STPG2: variants seen among roughly 807,000 people sequenced by gnomAD.
STPG2 encodes sperm tail PG-rich repeat containing 2.
Under a neutral mutation model 54.2 loss-of-function variants are expected in STPG2, and 56 were observed. The observed-to-expected ratio is 1.03, with a 90% CI of 0.83 to 1.29. The LOEUF (loss-of-function observed/expected upper bound fraction) is 1.29, where lower values mean the gene tolerates loss of function less well. STPG2 is among the 50% of genes most tolerant of loss of function. The pLI, the probability that STPG2 is intolerant of heterozygous loss-of-function variation, is 0.00. For synonymous variants in STPG2, 200 were observed against 181.8 expected (o/e 1.10, Z -0.81); for missense variants, 596 against 544.9 (o/e 1.09, Z -0.93).
chr4:97,618,119 G>C lies in STPG2; in HGVS notation c.1321-59002C>G, dbSNP rs570591816. 1.1e-3 allele frequency among the ~76,000 whole-genome samples: 162 copies of C among 152,160 alleles called. 1 individual carries two copies. The highest frequency in any genetic ancestry group is 3.9e-3 in the African/African-American group (160 of 41,518). ...TTAACTTCCCTGCCATTGAATCTAG[G>C]GTGGCTTTCTTGGCCTGTCTTACTG... is the stretch of plus-strand genomic sequence containing the variant. On this transcript the variant is annotated intron_variant, in intron 10 of 10. Coordinates refer to ENST00000295268, the MANE Select transcript of STPG2 (RefSeq NM_174952.3).
At chr4:97,997,291 T>G (rs1735271731) in intron 5 of STPG2, among the ~76,000 whole-genome samples, 1 of 152,210 alleles carries the variant, frequency 6.6e-6, no homozygotes, top group South Asian at 2.1e-4. Context: ...TGGCTCACAG[T>G]TCTGCAGGCT....
At chr4:97,808,173 T>A (rs910316153) in intron 9 of STPG2, among the ~76,000 whole-genome samples, 1 of 151,906 alleles carries the variant, frequency 6.6e-6, no homozygotes, top group Admixed American at 6.6e-5. Context: ...AGGTAGTATC[T>A]TAGATGAAAA....
intron 10 of STPG2, among the ~76,000 whole-genome samples, chr4:97,591,933 T>C (rs1733156085): frequency 6.6e-6 from 1 of 152,170 alleles, no homozygotes; most frequent in Non-Finnish European, 1.5e-5. Flanking sequence ...TAGTATATCT[T>C]TGAAAAATTT....
chr4:97,806,447 C>T (rs1380189582), intron 9 of STPG2, among the ~76,000 whole-genome samples: 2 of 151,952 alleles, frequency 1.3e-5, no homozygotes, highest in South Asian at 2.1e-4. Flanking sequence ...TCATTCATAC[C>T]CCAAACCTCA....
At chr4:97,581,392 A>G (rs887385288) in intron 10 of STPG2, among the ~76,000 whole-genome samples, 4 of 152,144 alleles carry the variant, frequency 2.6e-5, no homozygotes, top group Admixed American at 1.3e-4. Flanking sequence ...AGGAAAATTT[A>G]TAACACTTAC....
At chr4:98,133,418 G>A (rs1313560534) in intron 2 of STPG2, among the ~76,000 whole-genome samples, 1 of 151,862 alleles carries the variant, frequency 6.6e-6, no homozygotes, top group African/African-American at 2.4e-5. Flanking sequence ...ATCTCTAGCG[G>A]GTACCTTATT....
intron 9 of STPG2, among the ~76,000 whole-genome samples, chr4:97,794,729 C>A (rs145733689): frequency 6.6e-6 from 1 of 152,040 alleles, no homozygotes; most frequent in Non-Finnish European, 1.5e-5. Flanking sequence ...AAAAGAAGTT[C>A]TTTCTGTGTT....
At chr4:97,824,588 G>A (rs114543166) in intron 9 of STPG2, among the ~76,000 whole-genome samples, 4,313 of 152,218 alleles carry the variant, frequency 0.028, 190 homozygotes, top group African/African-American at 0.097. Context: ...CAGCAAACTG[G>A]TCAGTTATGT....
chr4:97,680,237 T>C (rs1435520666), intron 10 of STPG2, among the ~76,000 whole-genome samples: 3 of 151,890 alleles, frequency 2.0e-5, no homozygotes. Context: ...ATTTTTACGA[T>C]ATTGATTCTT....
chr4:97,664,043 G>A lies in STPG2; in HGVS notation c.1320+48656C>T, dbSNP rs533730509. Among the ~76,000 whole-genome samples the A allele has an allele frequency of 2.0e-5, 3 of 152,154 alleles. No homozygotes were observed. In the South Asian group the frequency reaches 6.2e-4, roughly 32 times the overall value. Reference sequence around the variant, plus strand: ...GTGACAGTAGGTATATATACATATGGCATAGATATTCATATGGTAAAATAG... The same window carrying A: ...GTGACAGTAGGTATATATACATATGACATAGATATTCATATGGTAAAATAG... On this transcript the variant is annotated intron_variant, in intron 10 of 10. Transcript: ENST00000295268.
chr4:97,684,599 A>G (rs2148982382), intron 10 of STPG2, among the ~76,000 whole-genome samples: 1 of 152,132 alleles, frequency 6.6e-6, no homozygotes, highest in Admixed American at 6.5e-5. Flanking sequence ...GTAACTCAAA[A>G]TGGATCGTAG....
intron 9 of STPG2, among the ~76,000 whole-genome samples, chr4:97,795,899 G>A (rs1560531370): frequency 2.0e-5 from 3 of 152,122 alleles, no homozygotes; most frequent in African/African-American, 4.8e-5. Flanking sequence ...ATTCTAACTG[G>A]TGTGAGATGA....
intron 9 of STPG2, among the ~76,000 whole-genome samples, chr4:97,756,075 T>C (rs1578537493): frequency 6.6e-6 from 1 of 152,120 alleles, no homozygotes; most frequent in Middle Eastern, 3.4e-3. Flanking sequence ...TCTCTCTCTC[T>C]TTCTCTCTCT....
chr4:97,660,157 T>C lies in STPG2; in HGVS notation c.1320+52542A>G, dbSNP rs549125296. Reference sequence around the variant, plus strand: ...AGCTGGGACTACAGGCGCCCACCACTAAGCCCAGCTAATTTTTTGTATTTT... The same window carrying C: ...AGCTGGGACTACAGGCGCCCACCACCAAGCCCAGCTAATTTTTTGTATTTT... On this transcript the variant is annotated intron_variant, in intron 10 of 10. Transcript: ENST00000295268. Among the ~76,000 whole-genome samples the C allele has an allele frequency of 2.0e-3, 299 of 152,160 alleles. 6 individuals carry two copies. The East Asian group carries it at 0.026, about 13-fold the overall frequency.
In STPG2 at chr4:97,585,442, C is replaced by T. The variant is rs552959978; in HGVS notation, c.1321-26325G>A. On this transcript the variant is annotated intron_variant, in intron 10 of 10. Coordinates refer to ENST00000295268, the MANE Select transcript of STPG2 (RefSeq NM_174952.3). Reference sequence around the variant, plus strand: ...ATTAGCAAGAAAAATCTAACCACAACAAGAAGCCCAACACAGAAGCCTCTT... The same window carrying T: ...ATTAGCAAGAAAAATCTAACCACAATAAGAAGCCCAACACAGAAGCCTCTT... Among the ~76,000 whole-genome samples, 9 of 152,040 alleles carry T rather than the reference C, an allele frequency of 5.9e-5. No homozygotes were observed. The South Asian group carries it at 1.9e-3, about 32-fold the overall frequency.
chr4:97,963,396 C>G (rs1425238815), intron 7 of STPG2, among the ~76,000 whole-genome samples: 2 of 152,048 alleles, frequency 1.3e-5, no homozygotes, highest in Admixed American at 1.3e-4. Flanking sequence ...GTGGCTCACC[C>G]CTGTAACCCC....
chr4:97,878,927 G>T (rs1188636077), intron 8 of STPG2, among the ~76,000 whole-genome samples: 2 of 151,968 alleles, frequency 1.3e-5, no homozygotes, highest in Non-Finnish European at 1.5e-5. Flanking sequence ...AAGTACCAAA[G>T]TCACCCCTTG....
intron 10 of STPG2, among the ~76,000 whole-genome samples, chr4:97,635,389 C>A (rs1721475958): frequency 6.6e-6 from 1 of 152,106 alleles, no homozygotes; most frequent in Non-Finnish European, 1.5e-5. Context: ...CAAAATCATG[C>A]CAAAATGTAA....
At chr4:97,936,787 C>T (rs899930899) in intron 8 of STPG2, among the ~76,000 whole-genome samples, 6 of 152,136 alleles carry the variant, frequency 3.9e-5, no homozygotes, top group Non-Finnish European at 8.8e-5. Context: ...GTGACCTGGC[C>T]TTTATATCTG....
Sources: gnomAD v4.1 joint callset for allele counts (sites outside exome capture counted in the v4.1 genomes callset) on GRCh38, gnomAD v4.1.1 for gene constraint, MANE v1.5 for transcripts, NCBI Gene and HGNC (gene_info 2026-07-23, HGNC 2026-07-21) for gene names.